The following GPC6 variants were observed in gnomAD, a reference collection of about 807,000 sequenced individuals.
The protein encoded by GPC6 is glypican 6, also known as glypican-6.
Under a neutral mutation model 55.2 loss-of-function variants are expected in GPC6, and 14 were observed. The ratio of observed to expected loss-of-function variants is 0.25; its 90% CI spans 0.17 to 0.40. GPC6 has a LOEUF of 0.40. GPC6 is among the 10% of genes least tolerant of loss of function. The pLI, the probability that GPC6 is intolerant of heterozygous loss-of-function variation, is 1.00. For synonymous variants in GPC6, 278 were observed against 259.6 expected (o/e 1.07, Z -0.68); for missense variants, 641 against 708.5 (o/e 0.90, Z 1.08).
intron 1 of GPC6, among the ~76,000 whole-genome samples, chr13:93,469,094 T>G (rs910193754): frequency 4.6e-5 from 7 of 152,172 alleles, no homozygotes; most frequent in African/African-American, 1.7e-4. Flanking sequence ...CAGCTTTACC[T>G]AAGACCTTAA....
chr13:93,481,882 T>C (rs1362632518), intron 1 of GPC6, among the ~76,000 whole-genome samples: 1 of 152,154 alleles, frequency 6.6e-6, no homozygotes, highest in African/African-American at 2.4e-5. Flanking sequence ...TACAAGATCA[T>C]TTTTACTATT....
chr13:93,537,584 T>C (rs1882111340), intron 1 of GPC6, among the ~76,000 whole-genome samples: 1 of 152,130 alleles, frequency 6.6e-6, no homozygotes, highest in Admixed American at 6.6e-5. Context: ...TTAGAAATTA[T>C]AATAGTAAAG....
chr13:94,348,080 C>T (rs939579040), intron 6 of GPC6, among the ~76,000 whole-genome samples: 5 of 152,170 alleles, frequency 3.3e-5, no homozygotes, highest in African/African-American at 4.8e-5. Context: ...AGTTAGACAT[C>T]GTCCTAATTT....
At chr13:93,815,472 C>G (rs1361460338) in intron 2 of GPC6, among the ~76,000 whole-genome samples, 1 of 151,970 alleles carries the variant, frequency 6.6e-6, no homozygotes, top group Non-Finnish European at 1.5e-5. Context: ...TACATTCAAC[C>G]CTGTACAATT....
chr13:93,811,071 G>C (rs61962145), intron 2 of GPC6, among the ~76,000 whole-genome samples: 2,132 of 152,280 alleles, frequency 0.014, 17 homozygotes, highest in Non-Finnish European at 0.02. Context: ...AAATTACCTT[G>C]TATTCATTTA....
At chr13:93,803,967 A>G (rs1332102155) in intron 2 of GPC6, among the ~76,000 whole-genome samples, 2 of 152,144 alleles carry the variant, frequency 1.3e-5, no homozygotes, top group African/African-American at 4.8e-5. Context: ...GGAGTGATGA[A>G]AATGCTCTAA....
intron 2 of GPC6, among the ~76,000 whole-genome samples, chr13:93,566,935 G>A (rs546836561): frequency 2.0e-5 from 3 of 152,188 alleles, no homozygotes; most frequent in East Asian, 1.9e-4. Flanking sequence ...TGGTGTATAC[G>A]TGCCACATTT....
intron 2 of GPC6, among the ~76,000 whole-genome samples, chr13:93,733,123 T>C (rs1049777149): frequency 6.6e-6 from 1 of 152,112 alleles, no homozygotes; most frequent in Non-Finnish European, 1.5e-5. Context: ...ATTTCAGGAC[T>C]ATACTCTTTA....
chr13:93,269,082 A>G (rs924303731), intron 1 of GPC6, among the ~76,000 whole-genome samples: 3 of 152,188 alleles, frequency 2.0e-5, no homozygotes, highest in Admixed American at 2.0e-4. Context: ...TATAAAATAA[A>G]TTAATGTTTT....
chr13:93,994,576 G>A (rs1186982095), intron 3 of GPC6, among the ~76,000 whole-genome samples: 1 of 152,118 alleles, frequency 6.6e-6, no homozygotes, highest in Admixed American at 6.6e-5. Flanking sequence ...CAGAGGAGAT[G>A]GAAATTAGGA....
At chr13:93,556,779 C>A (rs902692501) in intron 2 of GPC6, among the ~76,000 whole-genome samples, 4 of 152,170 alleles carry the variant, frequency 2.6e-5, no homozygotes, top group South Asian at 2.1e-4. Context: ...ATTTTTAGAT[C>A]CTACAAATGA....
chr13:94,140,641 G>A (rs966478596), intron 4 of GPC6, among the ~76,000 whole-genome samples: 1 of 152,044 alleles, frequency 6.6e-6, no homozygotes, highest in South Asian at 2.1e-4. Flanking sequence ...ATTTAGACCC[G>A]AAGGCACTGT....
intron 4 of GPC6, among the ~76,000 whole-genome samples, chr13:94,262,394 C>T (rs1001795138): frequency 3.3e-5 from 5 of 151,772 alleles, no homozygotes; most frequent in Admixed American, 6.6e-5. Flanking sequence ...GTCCAGGGGC[C>T]GGGTGCAGTG....
At chr13:93,909,719 A>G (rs1594579556) in intron 3 of GPC6, among the ~76,000 whole-genome samples, 1 of 14,794 alleles carries the variant, frequency 6.8e-5, no homozygotes, top group Non-Finnish European at 2.8e-4. Context: ...GGATTTTAGG[A>G]AAAAAAAAAT....
intron 1 of GPC6, among the ~76,000 whole-genome samples, chr13:93,516,453 G>A (rs1881194952): frequency 1.3e-5 from 2 of 152,112 alleles, no homozygotes; most frequent in Admixed American, 1.3e-4. Flanking sequence ...TTTACCAGGA[G>A]AGTTTTGCCA....
At chr13:93,930,447 T>G (rs528465429) in intron 3 of GPC6, among the ~76,000 whole-genome samples, 1 of 151,954 alleles carries the variant, frequency 6.6e-6, no homozygotes, top group African/African-American at 2.4e-5. Context: ...AATTTTGTAT[T>G]TTTTTATTTT....
intron 3 of GPC6, among the ~76,000 whole-genome samples, chr13:93,934,919 C>T (rs1185006837): frequency 6.6e-6 from 1 of 151,866 alleles, no homozygotes. Flanking sequence ...CAATATGTGA[C>T]CATAGTGTCT....
intron 4 of GPC6, among the ~76,000 whole-genome samples, chr13:94,194,803 A>G (rs1405395344): frequency 6.6e-6 from 1 of 152,070 alleles, no homozygotes; most frequent in African/African-American, 2.4e-5. Context: ...ACCATTGAGG[A>G]CCAGAGATGC....
chr13:94,062,032 A>G (rs1009747323), intron 4 of GPC6, among the ~76,000 whole-genome samples: 4 of 152,162 alleles, frequency 2.6e-5, no homozygotes, highest in African/African-American at 9.7e-5. Flanking sequence ...ATTCATTTCT[A>G]TATTTAATGC....
Sources: gnomAD v4.1 joint callset for allele counts (sites outside exome capture counted in the v4.1 genomes callset) on GRCh38, gnomAD v4.1.1 for gene constraint, MANE v1.5 for transcripts, NCBI Gene and HGNC (gene_info 2026-07-23, HGNC 2026-07-21) for gene names.